The following TBC1D16 variants were observed in gnomAD, a reference collection of about 807,000 sequenced individuals.
TBC1D16 encodes the protein TBC1 domain family member 16.
TBC1D16 carries 58 observed loss-of-function variants against 74.7 expected under a neutral mutation model. That is an observed-to-expected ratio of 0.78 (90% CI 0.63 to 0.97). The LOEUF is 0.97. Ranked by LOEUF, TBC1D16 falls within the 50% of genes least tolerant of loss-of-function variation. The pLI is 0.00. For missense variants in TBC1D16, 1,014 were observed against 1,079.5 expected, an observed-to-expected ratio of 0.94 and a Z score of 0.85; for synonymous variants, 493 against 474.7, an observed-to-expected ratio of 1.04 and a Z score of -0.50.
chr17:79,967,956 C>A (rs2033910366), intron 3 of TBC1D16, among the ~76,000 whole-genome samples: 1 of 152,206 alleles, frequency 6.6e-6, no homozygotes, highest in African/African-American at 2.4e-5. Flanking sequence ...TTGTTTCCAA[C>A]AAGCTTGGTA....
At chr17:79,942,974 T>C (rs2032160067) in intron 10 of TBC1D16, among the ~76,000 whole-genome samples, 1 of 152,362 alleles carries the variant, frequency 6.6e-6, no homozygotes, top group African/African-American at 2.4e-5. Flanking sequence ...CTCTCCGGCC[T>C]GGCCGCCTCA....
Position 80,010,092 on chromosome 17 carries a change from G to A in TBC1D16, c.779+68C>T, listed in dbSNP as rs1040197816. On this transcript the variant is annotated intron_variant, in intron 3 of 11. Coordinates refer to ENST00000310924, the MANE Select transcript of TBC1D16 (RefSeq NM_019020.4). The surrounding 1 kb of genome is among the most constrained non-coding windows in gnomAD (Gnocchi z 8.8). ...ACCTGGCATCACAGGTGACGCAGGT[G>A]AGTGCTTCCTGCCCAGGTCAGGCCT... is the stretch of plus-strand genomic sequence containing the variant. 5 of 1,305,752 alleles carry A rather than the reference G, an allele frequency of 3.8e-6. No homozygotes were observed. In the African/African-American group the frequency reaches 5.9e-5, roughly 15 times the overall value. The allele number at this position is 1,305,752 out of a possible 1,614,324, so 80.9% of individuals were successfully genotyped here. A position where few individuals can be genotyped will look rare whatever the true frequency, so the allele number is the denominator to read the frequency against.
chr17:79,953,764 CTTTTTTCTTTT>C (rs750020585), intron 3 of TBC1D16, among the ~76,000 whole-genome samples: 6 of 152,026 alleles, frequency 3.9e-5, no homozygotes, highest in South Asian at 2.1e-4. Flanking sequence ...TTCTTTTTTT[CTTTTTTCTTTT>C]TTTTTTCTTT....
At chr17:80,017,450 G>C (rs2144719686) in intron 1 of TBC1D16, among the ~76,000 whole-genome samples, 1 of 152,210 alleles carries the variant, frequency 6.6e-6, no homozygotes, top group Middle Eastern at 3.4e-3. Flanking sequence ...GGGAGGCCTA[G>C]GTGGGCGGAT....
rs1051412604 is a variant in TBC1D16 at position 80,008,733 on chromosome 17, G to A, written c.779+1427C>T. ...CTGGAGTCCTCAGTTACGGCTCACG[G>A]CTTCCTTTTATCTGCACTCTCCAAT... On this transcript the variant is annotated intron_variant, in intron 3 of 11. Coordinates refer to ENST00000310924, the MANE Select transcript of TBC1D16 (RefSeq NM_019020.4). This position sits in a 1 kb window ranked among gnomAD's most constrained non-coding sequence, Gnocchi z 4.5. Among the ~76,000 whole-genome samples the A allele has an allele frequency of 3.9e-5, 6 of 152,200 alleles. No individual in the cohort carries two copies. Among genetic ancestry groups the A allele is most frequent in the African/African-American group, 1.2e-4 (5 of 41,442 alleles).
chr17:79,933,066 G>A lies in TBC1D16; in HGVS notation c.*7793C>T, dbSNP rs1427818185. On this transcript the variant is annotated 3_prime_UTR_variant, in exon 12 of 12. Transcript: ENST00000310924. Reference sequence around the variant, plus strand: ...TGGTTGTTCTCTTGAGATGCAGAGAGGAGGCCCACAGGTGGCGGAGGGGTG... The same window carrying A: ...TGGTTGTTCTCTTGAGATGCAGAGAAGAGGCCCACAGGTGGCGGAGGGGTG... The A allele has an allele frequency of 2.0e-5, 3 of 152,232 alleles. No individual in the cohort carries two copies. Among genetic ancestry groups the A allele is most frequent in the Non-Finnish European group, 4.4e-5 (3 of 68,058 alleles). The allele number at this position is 152,232 out of a possible 1,614,324, so 9.4% of individuals were successfully genotyped here.
At position 79,980,335 on chromosome 17, in the gene TBC1D16, T is replaced by C. The variant is rs2034528017; in HGVS notation, c.780-27517A>G. Among the ~76,000 whole-genome samples, 1 of 152,236 alleles carries C rather than the reference T, an allele frequency of 6.6e-6. No homozygotes were observed. Among genetic ancestry groups the C allele is most frequent in the Admixed American group, 6.5e-5 (1 of 15,282 alleles). ...TCTTGGCTTCACGGCACGGGCTTCT[T>C]GACCACCATGTAGGGTCAGCAAATT... On this transcript the variant is annotated intron_variant, in intron 3 of 11. Coordinates refer to ENST00000310924, the MANE Select transcript of TBC1D16 (RefSeq NM_019020.4). The surrounding 1 kb of genome is among the most constrained non-coding windows in gnomAD (Gnocchi z 7.0).
chr17:80,011,315 A>AATGCTCATC (rs1258042288), intron 2 of TBC1D16, among the ~76,000 whole-genome samples: 3 of 151,212 alleles, frequency 2.0e-5, no homozygotes, highest in African/African-American at 7.3e-5. Flanking sequence ...CCAAAGTGCT[A>AATGCTCATC]GGATTACAGG....
intron 3 of TBC1D16, among the ~76,000 whole-genome samples, chr17:79,977,366 G>A (rs1024584274): frequency 6.6e-6 from 1 of 152,176 alleles, no homozygotes; most frequent in Non-Finnish European, 1.5e-5. Flanking sequence ...CTCCACCTCC[G>A]GGTCTCTGAC....
chr17:79,996,166 T>TA (rs1204565340), intron 3 of TBC1D16, among the ~76,000 whole-genome samples: 2 of 152,216 alleles, frequency 1.3e-5, no homozygotes, highest in Non-Finnish European at 2.9e-5. Context: ...TTAACAGGAA[T>TA]AAAAAAGCAG....
At chr17:79,959,257 A>G (rs1037458520) in intron 3 of TBC1D16, among the ~76,000 whole-genome samples, 1 of 152,250 alleles carries the variant, frequency 6.6e-6, no homozygotes, top group Admixed American at 6.5e-5. Context: ...TAGGATCTTA[A>G]GAAATGCAGA....
At chr17:80,033,466 G>A (rs575850347) in intron 1 of TBC1D16, among the ~76,000 whole-genome samples, 2 of 151,896 alleles carry the variant, frequency 1.3e-5, no homozygotes, top group East Asian at 1.9e-4. Flanking sequence ...CTGACCTCCC[G>A]GGCTCAAGCT....
rs183041874 is a variant in TBC1D16, at chr17:79,987,443, C to T, written c.779+22717G>A. Reference sequence around the variant, plus strand: ...TTTATTTTTTATAGAGATGGGGTCTCGCTATGTTGTCCAGGCTGATCTTGA... The same window carrying T: ...TTTATTTTTTATAGAGATGGGGTCTTGCTATGTTGTCCAGGCTGATCTTGA... On this transcript the variant is annotated intron_variant, in intron 3 of 11. Coordinates refer to ENST00000310924, the MANE Select transcript of TBC1D16 (RefSeq NM_019020.4). This position sits in a 1 kb window ranked among gnomAD's most constrained non-coding sequence, Gnocchi z 5.2. 3.3e-5 allele frequency among the ~76,000 whole-genome samples: 5 copies of T among 152,004 alleles called. No individual in the cohort carries two copies. The highest frequency in any genetic ancestry group is 9.6e-5 in the African/African-American group (4 of 41,458).
In TBC1D16 at chr17:80,032,178, G is replaced by T. The variant is rs191763761; in HGVS notation, c.-63+3617C>A. Among the ~76,000 whole-genome samples, 795 of 152,274 alleles carry T rather than the reference G, an allele frequency of 5.2e-3. 2 individuals carry two copies. Among genetic ancestry groups the T allele is most frequent in the Non-Finnish European group, 8.3e-3 (567 of 68,034 alleles). ...CAGCATGGATGCGGGCTTGGCACCC[G>T]CAGTACGTTGGCTTCATAGTGACCA... On this transcript the variant is annotated intron_variant, in intron 1 of 11. Coordinates refer to ENST00000310924, the MANE Select transcript of TBC1D16 (RefSeq NM_019020.4).
chr17:79,955,322 G>A (rs907844409), intron 3 of TBC1D16, among the ~76,000 whole-genome samples: 5 of 152,254 alleles, frequency 3.3e-5, no homozygotes, highest in Admixed American at 2.6e-4. Flanking sequence ...CCTCGAGGCC[G>A]GCTGCTGTGG....
Position 79,937,208 on chromosome 17 carries a change from C to G in TBC1D16, c.*3651G>C, listed in dbSNP as rs2031672892. On this transcript the variant is annotated 3_prime_UTR_variant, in exon 12 of 12. Transcript: ENST00000310924. ...ATTCCCATCATCTAGGGGCTGTGCCCCACATCTATTTCTGCCAAACAAGAA... is the reference window on the plus strand; with the variant it reads ...ATTCCCATCATCTAGGGGCTGTGCCGCACATCTATTTCTGCCAAACAAGAA... 1.1e-5 allele frequency: 1 copy of G among 89,476 alleles called. No individual in the cohort carries two copies. The highest frequency in any genetic ancestry group is 1.3e-4 in the Admixed American group (1 of 7,582). 5.5% of individuals were successfully genotyped at this position (89,476 alleles called of 1,614,324 possible). A position where few individuals can be genotyped will look rare whatever the true frequency, so the allele number is the denominator to read the frequency against.
intron 3 of TBC1D16, among the ~76,000 whole-genome samples, chr17:79,953,285 A>T (rs1467040869): frequency 6.6e-6 from 1 of 152,230 alleles, no homozygotes. Context: ...CGCGTGGTTT[A>T]AACCAGCTCA....
At chr17:79,978,489 C>T (rs962545844) in intron 3 of TBC1D16, among the ~76,000 whole-genome samples, 9 of 152,186 alleles carry the variant, frequency 5.9e-5, no homozygotes, top group Admixed American at 1.3e-4. Context: ...GGCAACAATC[C>T]GCGGCAGGTA....
intron 3 of TBC1D16, among the ~76,000 whole-genome samples, chr17:80,006,943 G>A (rs2035698510): frequency 6.6e-6 from 1 of 152,180 alleles, no homozygotes; most frequent in Non-Finnish European, 1.5e-5. Context: ...TTACAGGCGT[G>A]AGTCACAGTG....
Sources: allele counts gnomAD v4.1 joint callset (sites outside exome capture counted in the v4.1 genomes callset), GRCh38; gene constraint gnomAD v4.1.1; non-coding constraint Gnocchi (gnomAD v3.1); transcripts MANE v1.5; gene names NCBI Gene and HGNC (gene_info 2026-07-23, HGNC 2026-07-21).